Variants in CRIPT observed in about 807,000 individuals in gnomAD.
The protein encoded by CRIPT is cysteine-rich PDZ-binding protein.
Under a neutral mutation model 16.6 loss-of-function variants are expected in CRIPT, and 20 were observed. That is an observed-to-expected ratio of 1.20 (90% confidence interval 0.85 to 1.75). CRIPT has a LOEUF of 1.75. CRIPT is among the 40% of genes most tolerant of loss of function. The pLI is 0.00. For missense variants in CRIPT, 133 were observed against 115.3 expected, an observed-to-expected ratio of 1.15 and a Z score of -0.70; for synonymous variants, 42 against 37.0, an observed-to-expected ratio of 1.14 and a Z score of -0.49.
intron 1 of CRIPT, among the ~76,000 whole-genome samples, 154 bp downstream of exon 1, chr2:46,617,452 C>T (rs1028819836): frequency 3.9e-5 from 6 of 151,990 alleles, no homozygotes; most frequent in Non-Finnish European, 7.4e-5. Context: ...ATTTTTGCAC[C>T]TCCCAACGAC....
At position 46,627,353 on chromosome 2, in the gene CRIPT, C is replaced by T. The variant is rs551044134; in HGVS notation, c.*3126C>T. ...TTGCAATTGCTTTTGAGGACTTAGCCGTAAGTTCTTTCCCATAGCTGATGT... is the reference window on the plus strand; with the variant it reads ...TTGCAATTGCTTTTGAGGACTTAGCTGTAAGTTCTTTCCCATAGCTGATGT... On this transcript the variant is annotated 3_prime_UTR_variant, in exon 5 of 5. Coordinates refer to ENST00000238892, the MANE Select transcript of CRIPT (RefSeq NM_014171.6). Among the ~76,000 whole-genome samples, 9 of 151,786 alleles carry T rather than the reference C, an allele frequency of 5.9e-5. No homozygotes were observed. The highest frequency in any genetic ancestry group is 2.1e-4 in the South Asian group (1 of 4,794).
intron 1 of CRIPT, among the ~76,000 whole-genome samples, chr2:46,617,848 G>A (rs939457235): frequency 6.6e-6 from 1 of 151,868 alleles, no homozygotes; most frequent in Non-Finnish European, 1.5e-5. Flanking sequence ...GAATAATTTG[G>A]GGATTCTATA....
In CRIPT at chr2:46,626,796, T is replaced by G. The variant is rs933604719; in HGVS notation, c.*2569T>G. On this transcript the variant is annotated 3_prime_UTR_variant, in exon 5 of 5. Transcript: ENST00000238892. The stretch of plus-strand genomic sequence containing the variant: ...AGTGTCTGTTCAAGTCTTTTGGCAT[T>G]TTTTTAATGGGTTTTTGTTTGTGTG... Among the ~76,000 whole-genome samples the G allele has an allele frequency of 6.6e-6, 1 of 152,088 alleles. No individual in the cohort carries two copies. Among genetic ancestry groups the G allele is most frequent in the African/African-American group, 2.4e-5 (1 of 41,420 alleles).
chr2:46,622,227 G>A (rs552392540), intron 3 of CRIPT, among the ~76,000 whole-genome samples: 2 of 151,920 alleles, frequency 1.3e-5, no homozygotes, highest in African/African-American at 2.4e-5. Context: ...AAAATTAGCC[G>A]GGCGTGGTGG....
rs556566622 is a variant in CRIPT at position 46,627,567 on chromosome 2, C to T, written c.*3340C>T. 8.3e-4 allele frequency among the ~76,000 whole-genome samples: 127 copies of T among 152,154 alleles called. No homozygotes were observed. Among genetic ancestry groups the T allele is most frequent in the Middle Eastern group, 3.4e-3 (1 of 294 alleles). On this transcript the variant is annotated 3_prime_UTR_variant, in exon 5 of 5. Coordinates refer to ENST00000238892, the MANE Select transcript of CRIPT (RefSeq NM_014171.6). Reference sequence around the variant, plus strand: ...CAAGCGATTCTCATGCCTCAGCCTCCCAACCTAACTGGGATTACAGGCACA... The same window carrying T: ...CAAGCGATTCTCATGCCTCAGCCTCTCAACCTAACTGGGATTACAGGCACA...
rs529827102 is a variant in CRIPT at position 46,626,245 on chromosome 2, G to C, written c.*2018G>C. ...TATAATGACCTCCAGCTGCATCCAT[G>C]TTGCTGCAAAAGACATGATTTTCAT... is the stretch of plus-strand genomic sequence containing the variant. On this transcript the variant is annotated 3_prime_UTR_variant, in exon 5 of 5. Coordinates refer to ENST00000238892, the MANE Select transcript of CRIPT (RefSeq NM_014171.6). 1.3e-4 allele frequency among the ~76,000 whole-genome samples: 20 copies of C among 152,220 alleles called. No individual in the cohort carries two copies. The highest frequency in any genetic ancestry group is 4.3e-4 in the African/African-American group (18 of 41,542).
intron 2 of CRIPT, among the ~76,000 whole-genome samples, chr2:46,619,176 C>G (rs920664012): frequency 6.6e-6 from 1 of 152,008 alleles, no homozygotes; most frequent in South Asian, 2.1e-4. Context: ...TTTTAATCTT[C>G]TGATTTTTAT....
At position 46,626,863 on chromosome 2, in the gene CRIPT, A is replaced by T. The variant is rs140043911; in HGVS notation, c.*2636A>T. ...TGTTTTTGTTTTGAGATGGAGTTTC[A>T]CTGTTGTCACCCAGGCTAGAGTGCA... On this transcript the variant is annotated 3_prime_UTR_variant, in exon 5 of 5. Transcript: ENST00000238892. Among the ~76,000 whole-genome samples, 64 of 151,826 alleles carry T rather than the reference A, an allele frequency of 4.2e-4. No homozygotes were observed. Among genetic ancestry groups the T allele is most frequent in the African/African-American group, 1.4e-3 (57 of 41,370 alleles).
At chr2:46,617,369 G>C in intron 1 of CRIPT, 71 bp downstream of exon 1, 1 of 1,504,770 alleles carries the variant, frequency 6.6e-7, no homozygotes, top group Non-Finnish European at 9.0e-7. Flanking sequence ...CGGGAACTTT[G>C]CTTTCTCGTT....
At chr2:46,623,743 C>G in intron 3 of CRIPT, 21 bp from the exon 4 acceptor site, 1 of 1,430,286 alleles carries the variant, frequency 7.0e-7, no homozygotes, top group South Asian at 1.2e-5. Context: ...ACAATTTTCT[C>G]TCTTTAAAAA....
intron 3 of CRIPT, among the ~76,000 whole-genome samples, chr2:46,622,968 G>T (rs1670847676): frequency 6.6e-6 from 1 of 151,886 alleles, no homozygotes; most frequent in African/African-American, 2.4e-5. Context: ...AAATGTTAGG[G>T]AAGCACATTT....
chr2:46,619,543 T>G, intron 2 of CRIPT, 84 bp from the exon 3 acceptor site: 1 of 880,460 alleles, frequency 1.1e-6, no homozygotes, highest in Non-Finnish European at 1.7e-6. Context: ...ACTATTTTGG[T>G]AGAAAGTCAA....
intron 3 of CRIPT, among the ~76,000 whole-genome samples, chr2:46,620,696 A>G (rs1470450746): frequency 6.8e-6 from 1 of 147,522 alleles, no homozygotes; most frequent in Non-Finnish European, 1.5e-5. Flanking sequence ...TTATATATAT[A>G]TATATGTAAT....
At chr2:46,617,872 G>A (rs995948138) in intron 1 of CRIPT, among the ~76,000 whole-genome samples, 1 of 151,864 alleles carries the variant, frequency 6.6e-6, no homozygotes, top group Admixed American at 6.6e-5. Context: ...GGAACCTGGC[G>A]TTCAGGACCC....
At chr2:46,624,115 A>T in intron 4 of CRIPT, 48 bp from the exon 5 acceptor site, 1 of 1,352,020 alleles carries the variant, frequency 7.4e-7, no homozygotes, top group Non-Finnish European at 1.0e-6. Flanking sequence ...CTTAAACCAA[A>T]CAGTTGGTAT....
Position 46,624,872 on chromosome 2 carries a change from A to G in CRIPT, c.*645A>G, listed in dbSNP as rs1028088590. Reference sequence around the variant, plus strand: ...AATACACTGAATTTTAGAAAAACATATTACTTTGAATTCAAATTGTCATGA... The same window carrying G: ...AATACACTGAATTTTAGAAAAACATGTTACTTTGAATTCAAATTGTCATGA... On this transcript the variant is annotated 3_prime_UTR_variant, in exon 5 of 5. Transcript: ENST00000238892. The G allele has an allele frequency of 1.3e-5, 2 of 152,020 alleles. No individual in the cohort carries two copies. Among genetic ancestry groups the G allele is most frequent in the Non-Finnish European group, 2.9e-5 (2 of 68,016 alleles). The allele number at this position is 152,020 out of a possible 1,614,324, so 9.4% of individuals were successfully genotyped here. A position where few individuals can be genotyped will look rare whatever the true frequency, so the allele number is the denominator to read the frequency against.
rs2104185265 is a variant in CRIPT at position 46,629,289 on chromosome 2, T to C, written c.*5062T>C. Among the ~76,000 whole-genome samples the C allele has an allele frequency of 6.6e-6, 1 of 152,314 alleles. No individual in the cohort carries two copies. Among genetic ancestry groups the C allele is most frequent in the Middle Eastern group, 3.4e-3 (1 of 294 alleles). On this transcript the variant is annotated 3_prime_UTR_variant, in exon 5 of 5. Transcript: ENST00000238892. ...ATCCTCGACCCATTAGAAAGTATAT[T>C]GTAGACATCATACTCTTTACCCTTT...
Position 46,619,644 on chromosome 2 carries a change from C to T in CRIPT, c.100C>T (p.Leu34=). 6.2e-7 allele frequency: 1 copy of T among 1,610,906 alleles called. No individual in the cohort carries two copies. Among genetic ancestry groups the T allele is most frequent in the Non-Finnish European group, 8.5e-7 (1 of 1,178,220 alleles). Residue 34 remains leucine (L), a synonymous_variant, in exon 3 of 5, where the codon CTG becomes TTG. Coordinates refer to ENST00000238892, the MANE Select transcript of CRIPT (RefSeq NM_014171.6). The part of the protein sequence containing the change: ...RNTTESGGRK[L]NENKALTSKK... ...TGATACAGAAAGTGGTGGAAGAAAG[C>T]TGAATGAAAATAAAGCTTTGACTTC... is the stretch of plus-strand genomic sequence containing the variant.
At position 46,627,346 on chromosome 2, in the gene CRIPT, A is replaced by G. The variant is rs1670964000; in HGVS notation, c.*3119A>G. On this transcript the variant is annotated 3_prime_UTR_variant, in exon 5 of 5. Transcript: ENST00000238892. ...GTTTTTGTTGCAATTGCTTTTGAGG[A>G]CTTAGCCGTAAGTTCTTTCCCATAG... Among the ~76,000 whole-genome samples the G allele has an allele frequency of 6.6e-6, 1 of 151,484 alleles. No homozygotes were observed. The highest frequency in any genetic ancestry group is 1.5e-5 in the Non-Finnish European group (1 of 67,938).
Sources: gnomAD v4.1 joint callset for allele counts (sites outside exome capture counted in the v4.1 genomes callset) on GRCh38, gnomAD v4.1.1 for gene constraint, MANE v1.5 for transcripts, NCBI Gene and HGNC (gene_info 2026-07-23, HGNC 2026-07-21) for gene names.